The following DLG2 variants were observed in gnomAD, a reference collection of about 807,000 sequenced individuals.
The protein encoded by DLG2 is disks large homolog 2.
DLG2 carries 45 observed loss-of-function variants against 132.5 expected under a neutral mutation model. The observed-to-expected ratio is 0.34, with a 90% confidence interval of 0.27 to 0.44. The LOEUF (loss-of-function observed/expected upper bound fraction) is 0.44, where lower values mean the gene tolerates loss of function less well. Among genes scored for constraint, DLG2 ranks in the 20% least tolerant of loss-of-function variants. The probability of loss-of-function intolerance (pLI) is 1.00; values close to 1 mark genes in which losing one functional copy is unlikely to be tolerated. For synonymous variants in DLG2, 424 were observed against 419.6 expected (o/e 1.01, Z -0.13); for missense variants, 1,045 against 1,196.9 (o/e 0.87, Z 1.87).
chr11:84,670,006 A>G (rs2099704009), intron 6 of DLG2, among the ~76,000 whole-genome samples: 2 of 152,170 alleles, frequency 1.3e-5, no homozygotes, highest in African/African-American at 4.8e-5. Flanking sequence ...AAGAACCAGA[A>G]GAAGTTCTTT....
intron 6 of DLG2, among the ~76,000 whole-genome samples, chr11:84,692,988 A>G (rs2058214255): frequency 1.3e-5 from 2 of 151,776 alleles, no homozygotes; most frequent in African/African-American, 4.8e-5. Context: ...ATAACTGCGC[A>G]AACTGGAAAA....
At chr11:84,261,990 G>C (rs947853760) in intron 7 of DLG2, among the ~76,000 whole-genome samples, 3 of 152,148 alleles carry the variant, frequency 2.0e-5, no homozygotes, top group African/African-American at 4.8e-5. Context: ...ATTCACTGCA[G>C]AGCATGAAAA....
chr11:84,435,208 CTTG>C (rs1370819994), intron 7 of DLG2, among the ~76,000 whole-genome samples: 1 of 152,070 alleles, frequency 6.6e-6, no homozygotes. Flanking sequence ...ATTAATTCAG[CTTG>C]TTGTATTATT....
intron 6 of DLG2, among the ~76,000 whole-genome samples, chr11:84,715,191 T>G (rs955556087): frequency 1.3e-5 from 2 of 152,188 alleles, no homozygotes; most frequent in East Asian, 1.9e-4. Flanking sequence ...AGTGGTTCAG[T>G]TGAGCTGTTA....
intron 7 of DLG2, among the ~76,000 whole-genome samples, chr11:84,387,574 T>C (rs915553762): frequency 6.6e-5 from 10 of 152,100 alleles, no homozygotes; most frequent in African/African-American, 2.4e-4. Flanking sequence ...TTTTGCTAGG[T>C]GTGGTTGGGC....
intron 21 of DLG2, among the ~76,000 whole-genome samples, chr11:83,496,526 C>T (rs2094157352): frequency 6.6e-6 from 1 of 152,064 alleles, no homozygotes; most frequent in South Asian, 2.1e-4. Context: ...TCACAATTAC[C>T]TCAAACTGGA....
chr11:84,810,410 C>G (rs182374797), intron 6 of DLG2, among the ~76,000 whole-genome samples: 1 of 152,050 alleles, frequency 6.6e-6, no homozygotes, highest in Admixed American at 6.6e-5. Flanking sequence ...TAATTAGACA[C>G]TAAGGACATG....
chr11:84,526,343 T>C (rs1406872627), intron 7 of DLG2, among the ~76,000 whole-genome samples: 1 of 152,282 alleles, frequency 6.6e-6, no homozygotes, highest in African/African-American at 2.4e-5. Context: ...CTAGTTTCAT[T>C]TTAGATTCCA....
intron 10 of DLG2, among the ~76,000 whole-genome samples, chr11:84,067,315 C>T (rs952767081): frequency 6.6e-6 from 1 of 152,116 alleles, no homozygotes; most frequent in Non-Finnish European, 1.5e-5. Flanking sequence ...TCCTGGGTAA[C>T]AGAGCGAGAC....
chr11:83,686,158 A>T (rs2079721769), intron 18 of DLG2, among the ~76,000 whole-genome samples: 1 of 151,994 alleles, frequency 6.6e-6, no homozygotes, highest in Non-Finnish European at 1.5e-5. Flanking sequence ...TGTTTTTAAA[A>T]CAAAATTCAG....
Position 83,633,321 on chromosome 11 carries a change from G to A in DLG2, c.1830C>T (p.Tyr610=), listed in dbSNP as rs761605010. ...CATGGATTTTGGCCTCAAATCGAGC[G>A]TAATCTGGGAATGAAAACAAAGGTA... ...TIIAQYQPED[Y]ARFEAKIHDL... The change falls in exon 19 of 28, where the codon TAC becomes TAT. Residue 610 remains tyrosine (Y), a synonymous_variant. Coordinates refer to ENST00000376104, the MANE Select transcript of DLG2 (RefSeq NM_001142699.3). 6.5e-5 allele frequency: 105 copies of A among 1,612,954 alleles called. No homozygotes were observed. The highest frequency in any genetic ancestry group is 3.3e-4 in the Middle Eastern group (2 of 6,078).
chr11:83,638,868 C>T (rs147903312), intron 18 of DLG2, among the ~76,000 whole-genome samples: 1,977 of 152,276 alleles, frequency 0.013, 53 homozygotes, highest in African/African-American at 0.045. Flanking sequence ...AGGCCTTGAG[C>T]TACTGATGGA....
At chr11:84,897,929 A>G (rs538977526) in intron 6 of DLG2, among the ~76,000 whole-genome samples, 2 of 151,880 alleles carry the variant, frequency 1.3e-5, no homozygotes, top group Non-Finnish European at 2.9e-5. Context: ...GGAAAAATAC[A>G]TAAGCTCCTA....
At position 83,833,512 on chromosome 11, in the gene DLG2, C is replaced by G. The variant is rs1037060493; in HGVS notation, c.1722+102G>C. ...AAGTCGTGATGCTCTCATCCACTTT[C>G]CTTTGTAATTAAGGTGCTTTTGGTA... On this transcript the variant is annotated intron_variant, in intron 17 of 27. Transcript: ENST00000376104. The G allele has an allele frequency of 1.1e-5, 14 of 1,281,874 alleles. No homozygotes were observed. The African/African-American group carries it at 1.9e-4, about 18-fold the overall frequency. 79.4% of individuals were successfully genotyped at this position (1,281,874 alleles called of 1,614,324 possible). A position where few individuals can be genotyped will look rare whatever the true frequency, so the allele number is the denominator to read the frequency against.
intron 3 of DLG2, among the ~76,000 whole-genome samples, chr11:85,414,099 G>C (rs985842047): frequency 6.6e-6 from 1 of 151,948 alleles, no homozygotes. Flanking sequence ...AGTTTTCCTT[G>C]TAGAGGCCTT....
intron 3 of DLG2, among the ~76,000 whole-genome samples, chr11:85,380,441 C>G (rs2085784734): frequency 6.6e-6 from 1 of 152,120 alleles, no homozygotes; most frequent in African/African-American, 2.4e-5. Context: ...GGAGGATCAC[C>G]TGGAGGTTGG....
intron 9 of DLG2, among the ~76,000 whole-genome samples, chr11:84,159,869 A>G (rs1215820940): frequency 2.3e-4 from 35 of 152,150 alleles, no homozygotes; most frequent in Admixed American, 2.1e-3. Flanking sequence ...CACAAGCAGG[A>G]CTTACTCATG....
intron 3 of DLG2, among the ~76,000 whole-genome samples, chr11:85,304,291 T>C (rs577525145): frequency 4.6e-5 from 7 of 152,246 alleles, no homozygotes; most frequent in Non-Finnish European, 1.0e-4. Flanking sequence ...GTAGAAAACA[T>C]ACCCTCTGCT....
At chr11:84,788,785 T>C (rs2073359174) in intron 6 of DLG2, among the ~76,000 whole-genome samples, 1 of 152,158 alleles carries the variant, frequency 6.6e-6, no homozygotes, top group African/African-American at 2.4e-5. Flanking sequence ...CTAGAAACAG[T>C]AGCATCACAT....
Sources: gnomAD v4.1 joint callset for allele counts (sites outside exome capture counted in the v4.1 genomes callset) on GRCh38, gnomAD v4.1.1 for gene constraint, MANE v1.5 for transcripts, NCBI Gene and HGNC (gene_info 2026-07-23, HGNC 2026-07-21) for gene names.